The following BLZF1 variants were observed in gnomAD, a reference collection of about 807,000 sequenced individuals.
BLZF1 encodes golgin-45.
A neutral mutation model predicts 43.8 loss-of-function variants in BLZF1; 39 were observed. The ratio of observed to expected loss-of-function variants is 0.89; its 90% CI spans 0.69 to 1.16. BLZF1 has a LOEUF of 1.16. Ranked by LOEUF, BLZF1 falls within the 50% of genes most tolerant of loss-of-function variation. The pLI is 0.00. For missense variants in BLZF1, 449 were observed against 469.8 expected (o/e 0.96, Z 0.41); for synonymous variants, 136 against 159.4 (o/e 0.85, Z 1.11).
downstream of BLZF1, among the ~76,000 whole-genome samples, chr1:169,392,466 T>C (rs967558998): frequency 5.9e-5 from 9 of 152,192 alleles, no homozygotes; most frequent in African/African-American, 2.2e-4. Flanking sequence ...CAACTGACTT[T>C]CAACAAATGA....
chr1:169,382,245 A>C lies in BLZF1; in HGVS notation c.981A>C (p.Glu327Asp). The change falls in exon 6 of 7, where the codon GAA becomes GAC. Residue 327 changes from glutamate (E) to aspartate (D), a missense_variant. Coordinates refer to ENST00000367808, the MANE Select transcript of BLZF1 (RefSeq NM_001320973.2). ...AAAAAAAGATTCCATCAACAGTTGA[A>C]TTCTGCAGCACCCCAGCTGAGAAAA... Reference protein sequence around the residue: ...NNQKKIPSTVEFCSTPAEKMA... With the variant: ...NNQKKIPSTVDFCSTPAEKMA... The C allele has an allele frequency of 6.2e-7, 1 of 1,613,762 alleles. No individual in the cohort carries two copies. Among genetic ancestry groups the C allele is most frequent in the Middle Eastern group, 1.7e-4 (1 of 6,060 alleles).
downstream of BLZF1, among the ~76,000 whole-genome samples, chr1:169,392,454 GC>G (rs1211549731): frequency 6.6e-6 from 1 of 152,202 alleles, no homozygotes; most frequent in East Asian, 1.9e-4. Flanking sequence ...TACATCTATG[GC>G]CAACTGACTT....
rs1170340775 is a variant in BLZF1, at chr1:169,371,262, A to G, written c.28+1712A>G. On this transcript the variant is annotated intron_variant, in intron 2 of 6. Transcript: ENST00000367808. ...CAGTTAAATAATTAATGTGAAAGCA[A>G]CCAACATGGTGCTTGTCAAAAAGCA... Among the ~76,000 whole-genome samples the G allele has an allele frequency of 4.3e-4, 66 of 152,334 alleles. 1 individual carries two copies. The highest frequency in any genetic ancestry group is 2.9e-5 in the Non-Finnish European group (2 of 68,016).
intron 6 of BLZF1, among the ~76,000 whole-genome samples, chr1:169,384,623 T>C (rs1654619582): frequency 6.6e-6 from 1 of 152,206 alleles, no homozygotes; most frequent in African/African-American, 2.4e-5. Flanking sequence ...ATGATGCACA[T>C]AGGCCATTGT....
In BLZF1 at chr1:169,382,145, A is replaced by T; in HGVS notation, c.881A>T (p.Glu294Val). 1 of 1,613,904 alleles carries T rather than the reference A, an allele frequency of 6.2e-7. No homozygotes were observed. Among genetic ancestry groups the T allele is most frequent in the Non-Finnish European group, 8.5e-7 (1 of 1,179,814 alleles). Residue 294 changes from glutamate (E) to valine (V), a missense_variant, in exon 6 of 7, where the codon GAG becomes GTG. Glu to Val is a moderately radical substitution (Grantham distance 121). Coordinates refer to ENST00000367808, the MANE Select transcript of BLZF1 (RefSeq NM_001320973.2). ...AGTGTACAACCCCACAGCACAGCAG[A>T]GCTAGCATTAACAAATCACAAGTTG... ...SPSVQPHSTA[E>V]LALTNHKLAK... is the part of the protein sequence containing the mutation.
At chr1:169,380,400 A>T in intron 4 of BLZF1, 81 bp from the exon 5 acceptor site, 1 of 1,284,662 alleles carries the variant, frequency 7.8e-7, no homozygotes, top group East Asian at 2.4e-5. Context: ...TCTGAAAGTG[A>T]CAGTCACAAA....
chr1:169,370,371 A>G (rs1046442935), intron 2 of BLZF1, among the ~76,000 whole-genome samples: 1 of 152,134 alleles, frequency 6.6e-6, no homozygotes, highest in African/African-American at 2.4e-5. Context: ...AAATTGCTAA[A>G]TACAGTAGTC....
At chr1:169,373,449 T>C (rs1289008521) in intron 2 of BLZF1, among the ~76,000 whole-genome samples, 1 of 152,182 alleles carries the variant, frequency 6.6e-6, no homozygotes, top group African/African-American at 2.4e-5. Flanking sequence ...CTACTGCATA[T>C]GTAATAAAGG....
intron 7 of BLZF1, chr1:169,395,818 A>C (rs1654988407): frequency 6.6e-6 from 1 of 151,546 alleles, no homozygotes; most frequent in South Asian, 2.1e-4. Context: ...GTAAGTGTGT[A>C]TGTGGTATGT....
chr1:169,370,040 G>A (rs187339164), intron 2 of BLZF1, among the ~76,000 whole-genome samples: 2 of 152,160 alleles, frequency 1.3e-5, no homozygotes, highest in African/African-American at 2.4e-5. Context: ...GTGCTCCTTC[G>A]GAAGGCATTA....
chr1:169,387,188 A>T lies in BLZF1; in HGVS notation c.*6A>T, dbSNP rs189043990. Reference sequence around the variant, plus strand: ...GAGAACTGATTGCCCTTTAACAGTCAATATGTTGGAGGCATGCTAAGGTAC... The same window carrying T: ...GAGAACTGATTGCCCTTTAACAGTCTATATGTTGGAGGCATGCTAAGGTAC... On this transcript the variant is annotated 3_prime_UTR_variant, in exon 7 of 7. Coordinates refer to ENST00000367808, the MANE Select transcript of BLZF1 (RefSeq NM_001320973.2). The T allele has an allele frequency of 1.4e-4, 230 of 1,610,388 alleles. 1 individual carries two copies. In the African/African-American group the frequency reaches 2.6e-3, roughly 18 times the overall value.
chr1:169,378,034 T>C (rs1654413733), intron 3 of BLZF1, among the ~76,000 whole-genome samples: 1 of 152,014 alleles, frequency 6.6e-6, no homozygotes, highest in Non-Finnish European at 1.5e-5. Flanking sequence ...TTTAATTTTT[T>C]TTCCTTTAAG....
At chr1:169,393,881 C>T (rs1423361801) in intron 7 of BLZF1, among the ~76,000 whole-genome samples, 1 of 152,234 alleles carries the variant, frequency 6.6e-6, no homozygotes, top group African/African-American at 2.4e-5. Context: ...GGATTACAGG[C>T]GTGAGCCACC....
intron 6 of BLZF1, 116 bp from the exon 7 acceptor site, chr1:169,386,881 T>C: frequency 1.5e-6 from 1 of 663,822 alleles, no homozygotes. Flanking sequence ...TCTGTTTTTT[T>C]AGTAATAGTT....
downstream of BLZF1, among the ~76,000 whole-genome samples, chr1:169,389,248 C>T (rs1043405324): frequency 6.6e-6 from 1 of 151,998 alleles, no homozygotes; most frequent in East Asian, 1.9e-4. Flanking sequence ...GAGCCGAGAT[C>T]GCGCCATTAC....
Position 169,369,461 on chromosome 1 carries a change from A to C in BLZF1, c.-50-12A>C. On this transcript the variant is annotated splice_polypyrimidine_tract_variant and intron_variant, in intron 1 of 6. Transcript: ENST00000367808. Reference sequence around the variant, plus strand: ...ATATTTTTAAAATTATTTCATATGCATACATTTCTAGGTTGTTCAGCAGAA... The same window carrying C: ...ATATTTTTAAAATTATTTCATATGCCTACATTTCTAGGTTGTTCAGCAGAA... The C allele has an allele frequency of 4.3e-6, 6 of 1,399,574 alleles. No individual in the cohort carries two copies. In the South Asian group the frequency reaches 6.4e-5, roughly 15 times the overall value. 86.7% of individuals were successfully genotyped at this position (1,399,574 alleles called of 1,614,324 possible). A position where few individuals can be genotyped will look rare whatever the true frequency, so the allele number is the denominator to read the frequency against.
At chr1:169,370,475 A>G (rs1654079868) in intron 2 of BLZF1, among the ~76,000 whole-genome samples, 1 of 152,318 alleles carries the variant, frequency 6.6e-6, no homozygotes, top group African/African-American at 2.4e-5. Context: ...GACTTCCATG[A>G]CATCACTTTT....
chr1:169,370,917 A>G (rs759852746), intron 2 of BLZF1, among the ~76,000 whole-genome samples: 2 of 152,180 alleles, frequency 1.3e-5, no homozygotes, highest in African/African-American at 4.8e-5. Context: ...AACATGTCCC[A>G]TAGTGAACTT....
At chr1:169,373,561 A>G (rs1277928263) in intron 2 of BLZF1, among the ~76,000 whole-genome samples, 7 of 152,236 alleles carry the variant, frequency 4.6e-5, no homozygotes, top group Admixed American at 1.3e-4. Flanking sequence ...CACATTAGCT[A>G]GAATCATAGT....
Sources: allele counts gnomAD v4.1 joint callset (sites outside exome capture counted in the v4.1 genomes callset), GRCh38; gene constraint gnomAD v4.1.1; transcripts MANE v1.5; gene names NCBI Gene and HGNC (gene_info 2026-07-23, HGNC 2026-07-21).